SEMA6D: variants seen among roughly 807,000 people sequenced by gnomAD.
The protein encoded by SEMA6D is semaphorin-6D.
Under a neutral mutation model 106.6 loss-of-function variants are expected in SEMA6D, and 35 were observed. The observed-to-expected ratio is 0.33, with a 90% CI of 0.25 to 0.44. SEMA6D has a LOEUF of 0.44. SEMA6D is among the 20% of genes least tolerant of loss of function. The pLI, the probability that SEMA6D is intolerant of heterozygous loss-of-function variation, is 1.00. For synonymous variants in SEMA6D, 499 were observed against 487.7 expected (o/e 1.02, Z -0.31); for missense variants, 1,185 against 1,345.9 (o/e 0.88, Z 1.87).
intron 3 of SEMA6D, among the ~76,000 whole-genome samples, chr15:47,484,309 C>T (rs1381651403): frequency 1.3e-5 from 2 of 152,096 alleles, no homozygotes; most frequent in South Asian, 2.1e-4. Context: ...AGGAACAGTG[C>T]GGAGGTACTT....
chr15:47,535,096 CA>C (rs2045113659), intron 3 of SEMA6D, among the ~76,000 whole-genome samples: 1 of 148,198 alleles, frequency 6.7e-6, no homozygotes. Flanking sequence ...CAAAAACACA[CA>C]CACAAAAAAA....
chr15:47,312,593 G>A (rs1280944149), intron 1 of SEMA6D, among the ~76,000 whole-genome samples: 1 of 152,118 alleles, frequency 6.6e-6, no homozygotes, highest in Non-Finnish European at 1.5e-5. Context: ...AATGTTAAGG[G>A]TGGAGTCTTT....
chr15:47,247,872 AGT>A (rs1298312889), intron 1 of SEMA6D, among the ~76,000 whole-genome samples: 2 of 152,222 alleles, frequency 1.3e-5, no homozygotes, highest in Admixed American at 6.5e-5. Context: ...TGCAAAGGGT[AGT>A]GAGCTGGGAA....
chr15:47,296,009 G>A (rs73399055), intron 1 of SEMA6D, among the ~76,000 whole-genome samples: 2,750 of 152,208 alleles, frequency 0.018, 87 homozygotes, highest in African/African-American at 0.063. Flanking sequence ...TTTTTCTTGG[G>A]TACATTCACA....
At chr15:47,306,205 G>A (rs752209956) in intron 1 of SEMA6D, among the ~76,000 whole-genome samples, 2 of 151,678 alleles carry the variant, frequency 1.3e-5, no homozygotes, top group Admixed American at 6.6e-5. Context: ...GGATGGTCTC[G>A]ATGTCTTGAC....
intron 1 of SEMA6D, among the ~76,000 whole-genome samples, chr15:47,375,570 A>G (rs2039421134): frequency 1.3e-5 from 2 of 152,208 alleles, no homozygotes; most frequent in Admixed American, 1.3e-4. Flanking sequence ...AACAGAGGGT[A>G]TCACTTCCTA....
At chr15:47,750,127 C>G (rs2081350610) in intron 1 of SEMA6D, among the ~76,000 whole-genome samples, 1 of 151,936 alleles carries the variant, frequency 6.6e-6, no homozygotes, top group Admixed American at 6.6e-5. Context: ...TCAAAGAAGC[C>G]TGGCTGAGAA....
At chr15:47,432,361 A>G (rs1209266816) in intron 2 of SEMA6D, among the ~76,000 whole-genome samples, 1 of 152,114 alleles carries the variant, frequency 6.6e-6, no homozygotes, top group East Asian at 1.9e-4. Context: ...AATTTTGTTG[A>G]GACTGGTGAA....
intron 1 of SEMA6D, among the ~76,000 whole-genome samples, chr15:47,314,514 C>T (rs1052712909): frequency 9.6e-5 from 13 of 135,118 alleles, no homozygotes; most frequent in Middle Eastern, 3.9e-3. Context: ...AGGAGAATGG[C>T]GTGAACCCGG....
At chr15:47,670,299 G>A (rs187080177) in intron 4 of SEMA6D, among the ~76,000 whole-genome samples, 1 of 152,160 alleles carries the variant, frequency 6.6e-6, no homozygotes, top group African/African-American at 2.4e-5. Context: ...CTTCATGACT[G>A]TCTTACACAC....
chr15:47,207,545 C>G (rs1895156000), intron 1 of SEMA6D, among the ~76,000 whole-genome samples: 1 of 152,164 alleles, frequency 6.6e-6, no homozygotes, highest in South Asian at 2.1e-4. Flanking sequence ...GTCTAGCCAT[C>G]ATGGGAGGTC....
chr15:47,310,148 G>C (rs1297715916), intron 1 of SEMA6D, among the ~76,000 whole-genome samples: 2 of 152,190 alleles, frequency 1.3e-5, no homozygotes, highest in African/African-American at 4.8e-5. Flanking sequence ...AGGTGGAAAA[G>C]ATAGATGAAT....
At chr15:47,730,546 T>G in intron 1 of SEMA6D, 2 of 1,332,514 alleles carry the variant, frequency 1.5e-6, no homozygotes, top group Non-Finnish European at 2.2e-6. Flanking sequence ...GGACAGGTGG[T>G]CTCTTCGTGG....
chr15:47,221,369 G>C (rs897185099), intron 1 of SEMA6D, among the ~76,000 whole-genome samples: 1 of 152,120 alleles, frequency 6.6e-6, no homozygotes, highest in African/African-American at 2.4e-5. Flanking sequence ...GATGTTAAAG[G>C]CTTCCCTGTT....
rs563667536 is a variant in SEMA6D, at chr15:47,260,580, G to C, written c.-239+76162G>C. On this transcript the variant is annotated intron_variant, in intron 1 of 19. Transcript: ENST00000558014. The stretch of plus-strand genomic sequence containing the variant: ...TCGAAGAGATTTCTGTGATGTGATA[G>C]GATTTTTCTGCCTGTGTCATTCATT... Among the ~76,000 whole-genome samples the C allele has an allele frequency of 2.6e-5, 4 of 152,214 alleles. No individual in the cohort carries two copies. The East Asian group carries it at 7.8e-4, about 30-fold the overall frequency.
intron 2 of SEMA6D, among the ~76,000 whole-genome samples, chr15:47,423,950 T>TCCATA (rs2041251722): frequency 6.6e-6 from 1 of 152,084 alleles, no homozygotes; most frequent in African/African-American, 2.4e-5. Context: ...AATTTGTTTG[T>TCCATA]CCATAATTGA....
chr15:47,672,385 T>C (rs947969510), intron 4 of SEMA6D, among the ~76,000 whole-genome samples: 1 of 152,292 alleles, frequency 6.6e-6, no homozygotes, highest in East Asian at 1.9e-4. Flanking sequence ...TATCTAATCT[T>C]CTGTTGACTA....
chr15:47,409,450 C>A (rs1358421649), intron 1 of SEMA6D, among the ~76,000 whole-genome samples: 1 of 152,156 alleles, frequency 6.6e-6, no homozygotes, highest in Non-Finnish European at 1.5e-5. Context: ...TGATCTTCCA[C>A]CATAATGATA....
intron 1 of SEMA6D, among the ~76,000 whole-genome samples, chr15:47,236,237 C>G (rs2032531218): frequency 6.6e-6 from 1 of 151,988 alleles, no homozygotes; most frequent in South Asian, 2.1e-4. Flanking sequence ...TCTGTAACAT[C>G]TGGGAATTGA....
Sources: allele counts gnomAD v4.1 joint callset (sites outside exome capture counted in the v4.1 genomes callset), GRCh38; gene constraint gnomAD v4.1.1; transcripts MANE v1.5; gene names NCBI Gene and HGNC (gene_info 2026-07-23, HGNC 2026-07-21).